Variants in TCERG1L observed in about 807,000 individuals in gnomAD.
The protein encoded by TCERG1L is transcription elongation regulator 1 like.
A neutral mutation model predicts 56.3 loss-of-function variants in TCERG1L; 37 were observed. The observed-to-expected ratio is 0.66, with a 90% confidence interval of 0.51 to 0.87. TCERG1L has a LOEUF of 0.87. Ranked by LOEUF, TCERG1L falls within the 40% of genes least tolerant of loss-of-function variation. The pLI is 0.00. For synonymous variants in TCERG1L, 324 were observed against 326.3 expected (o/e 0.99, Z 0.08); for missense variants, 799 against 774.2 (o/e 1.03, Z -0.38).
intron 4 of TCERG1L, among the ~76,000 whole-genome samples, chr10:131,248,977 G>A (rs1232741007): frequency 6.6e-6 from 1 of 152,226 alleles, no homozygotes; most frequent in Non-Finnish European, 1.5e-5. Context: ...GGGAGAGGCA[G>A]GATGGGATGG....
intron 8 of TCERG1L, among the ~76,000 whole-genome samples, chr10:131,128,376 C>G (rs1845583571): frequency 6.6e-6 from 1 of 152,168 alleles, no homozygotes; most frequent in Non-Finnish European, 1.5e-5. Context: ...GAAAGCAATT[C>G]AAGAAAATGC....
intron 3 of TCERG1L, among the ~76,000 whole-genome samples, chr10:131,299,075 G>A (rs1846729624): frequency 6.6e-6 from 1 of 152,062 alleles, no homozygotes; most frequent in Non-Finnish European, 1.5e-5. Flanking sequence ...GATTTTATTA[G>A]AAATTTTTAT....
intron 4 of TCERG1L, among the ~76,000 whole-genome samples, chr10:131,194,064 C>A (rs560916649): frequency 6.6e-6 from 1 of 152,102 alleles, no homozygotes; most frequent in Non-Finnish European, 1.5e-5. Context: ...CACCTCCAAC[C>A]CCCAGCGGCG....
At chr10:131,093,468 A>G (rs1845204040) in intron 11 of TCERG1L, 150 bp from the exon 12 acceptor site, 1 of 881,278 alleles carries the variant, frequency 1.1e-6, no homozygotes, top group Non-Finnish European at 1.7e-6. Flanking sequence ...AGCGGCTCTG[A>G]CCAGCCGTGC....
intron 4 of TCERG1L, among the ~76,000 whole-genome samples, chr10:131,176,769 A>ACAGAG (rs1589737617): frequency 3.0e-5 from 1 of 33,106 alleles, no homozygotes; most frequent in Non-Finnish European, 6.5e-5. Flanking sequence ...CACATACACC[A>ACAGAG]AGACACATGG....
intron 8 of TCERG1L, among the ~76,000 whole-genome samples, chr10:131,123,977 G>A (rs1845539821): frequency 1.3e-5 from 2 of 152,198 alleles, no homozygotes; most frequent in African/African-American, 4.8e-5. Context: ...GCCACCTGGA[G>A]GAAAAGATGC....
rs576907576 is a variant in TCERG1L, at chr10:131,248,898, C to T, written c.856+11361G>A. On this transcript the variant is annotated intron_variant, in intron 4 of 11. Transcript: ENST00000368642. The stretch of plus-strand genomic sequence containing the variant: ...GAGTCGGCTTCTGACTGGGGGTGCC[C>T]AGCCCTCCAGGTCATGCCCATCCCT... Among the ~76,000 whole-genome samples the T allele has an allele frequency of 6.6e-5, 10 of 152,340 alleles. No individual in the cohort carries two copies. The East Asian group carries it at 1.9e-3, about 29-fold the overall frequency.
chr10:131,138,486 C>T (rs1442669861), intron 7 of TCERG1L, among the ~76,000 whole-genome samples: 2 of 152,084 alleles, frequency 1.3e-5, no homozygotes, highest in African/African-American at 4.8e-5. Context: ...CCAAAGTTGC[C>T]CCATTACAAT....
chr10:131,116,287 G>T (rs375421763), intron 9 of TCERG1L, among the ~76,000 whole-genome samples: 3 of 152,328 alleles, frequency 2.0e-5, no homozygotes, highest in South Asian at 4.1e-4. Flanking sequence ...AAGGGAGGGA[G>T]TACCACTAGG....
chr10:131,269,143 T>A (rs80133875), intron 3 of TCERG1L, among the ~76,000 whole-genome samples: 13,658 of 152,242 alleles, frequency 0.09, 721 homozygotes, highest in Admixed American at 0.15. Context: ...CATTTGAAAA[T>A]GTAGTCGCCA....
At chr10:131,185,438 A>G (rs983894310) in intron 4 of TCERG1L, among the ~76,000 whole-genome samples, 1 of 152,350 alleles carries the variant, frequency 6.6e-6, no homozygotes, top group South Asian at 2.1e-4. Flanking sequence ...TCAAGAAAGG[A>G]AAAAACAACC....
At position 131,260,550 on chromosome 10, in the gene TCERG1L, G is replaced by T; in HGVS notation, c.671-106C>A. 7.8e-7 allele frequency: 1 copy of T among 1,278,480 alleles called. No homozygotes were observed. The highest frequency in any genetic ancestry group is 4.2e-5 in the Admixed American group (1 of 23,860). The allele number at this position is 1,278,480 out of a possible 1,614,324, so 79.2% of individuals were successfully genotyped here. ...TATCAGCCCCCAGAAAACAGGTGAG[G>T]GGGGCGCTACCCCTCTTTAATGGAG... is the stretch of plus-strand genomic sequence containing the variant. On this transcript the variant is annotated intron_variant, in intron 3 of 11. Transcript: ENST00000368642. The surrounding 1 kb of genome is among the most constrained non-coding windows in gnomAD (Gnocchi z 5.8).
intron 8 of TCERG1L, among the ~76,000 whole-genome samples, chr10:131,124,060 G>C (rs558416073): frequency 6.6e-6 from 1 of 152,258 alleles, no homozygotes; most frequent in East Asian, 1.9e-4. Context: ...ACACTTTTCT[G>C]TCAATCACTG....
intron 9 of TCERG1L, among the ~76,000 whole-genome samples, chr10:131,107,655 T>C (rs1845366380): frequency 6.6e-6 from 1 of 152,134 alleles, no homozygotes; most frequent in Non-Finnish European, 1.5e-5. Context: ...GGGAAGCCTG[T>C]TGTTCCCGAG....
At chr10:131,299,173 A>T (rs934242129) in intron 3 of TCERG1L, among the ~76,000 whole-genome samples, 1 of 152,128 alleles carries the variant, frequency 6.6e-6, no homozygotes, top group African/African-American at 2.4e-5. Context: ...TTTACATCTT[A>T]TATCTTTTCC....
chr10:131,172,872 G>A (rs2133442411), intron 4 of TCERG1L, among the ~76,000 whole-genome samples: 1 of 151,128 alleles, frequency 6.6e-6, no homozygotes, highest in Non-Finnish European at 1.5e-5. Flanking sequence ...AATTGTTGTA[G>A]AGAGAATAAT....
chr10:131,273,065 A>G (rs1258413609), intron 3 of TCERG1L, among the ~76,000 whole-genome samples: 1 of 152,122 alleles, frequency 6.6e-6, no homozygotes, highest in East Asian at 1.9e-4. Flanking sequence ...TCCACAGTGG[A>G]GTGGGCCCGA....
chr10:131,139,257 C>T (rs1457655510), intron 7 of TCERG1L, among the ~76,000 whole-genome samples: 3 of 152,214 alleles, frequency 2.0e-5, no homozygotes, highest in African/African-American at 2.4e-5. Flanking sequence ...ATTACACAAT[C>T]GATATGTTTG....
At position 131,109,993 on chromosome 10, in the gene TCERG1L, G is replaced by A. The variant is rs546628726; in HGVS notation, c.1396-5639C>T. 5.9e-5 allele frequency among the ~76,000 whole-genome samples: 9 copies of A among 152,344 alleles called. No individual in the cohort carries two copies. In the East Asian group the frequency reaches 1.7e-3, roughly 29 times the overall value. On this transcript the variant is annotated intron_variant, in intron 9 of 11. Transcript: ENST00000368642. ...ATCACTCTGCAGATAGTGGCCGGCT[G>A]GCAGCAGGTGTCCTTGACTGCAGGT...
Sources: gnomAD v4.1 joint callset for allele counts (sites outside exome capture counted in the v4.1 genomes callset) on GRCh38, gnomAD v4.1.1 for gene constraint, Gnocchi (gnomAD v3.1) non-coding constraint, MANE v1.5 for transcripts, NCBI Gene and HGNC (gene_info 2026-07-23, HGNC 2026-07-21) for gene names.